The following HTR1F variants were observed in gnomAD, a reference collection of about 807,000 sequenced individuals.
The protein encoded by HTR1F is 5-hydroxytryptamine receptor 1F, also known as 5-hydroxytryptamine (serotonin) receptor 1F, G protein-coupled.
In HTR1F, 17 loss-of-function variants were observed where a neutral mutation model predicts 24.0. The observed-to-expected ratio is 0.71, with a 90% CI of 0.48 to 1.06. The LOEUF (loss-of-function observed/expected upper bound fraction) is 1.06. Ranked by LOEUF, HTR1F falls within the 50% of genes least tolerant of loss-of-function variation. The probability of loss-of-function intolerance (pLI) is 0.00; values close to 1 mark genes in which losing one functional copy is unlikely to be tolerated. For synonymous variants in HTR1F, 186 were observed against 156.8 expected (o/e 1.19, Z -1.39); for missense variants, 391 against 427.8 (o/e 0.91, Z 0.76).
At chr3:87,852,278 C>T (rs550994810) in intron 2 of HTR1F, among the ~76,000 whole-genome samples, 1 of 151,678 alleles carries the variant, frequency 6.6e-6, no homozygotes, top group African/African-American at 2.4e-5. Context: ...ATCTTCATTA[C>T]AAATTTTGTA....
intron 2 of HTR1F, among the ~76,000 whole-genome samples, chr3:87,923,724 C>A (rs910096240): frequency 6.6e-6 from 1 of 151,888 alleles, no homozygotes; most frequent in African/African-American, 2.4e-5. Flanking sequence ...TAAATTTTAG[C>A]AAATGTTTTT....
intron 2 of HTR1F, among the ~76,000 whole-genome samples, chr3:87,912,514 C>T (rs1459072749): frequency 5.4e-5 from 8 of 148,144 alleles, no homozygotes; most frequent in African/African-American, 2.0e-4. Context: ...TTTACAGATT[C>T]AATGCTATTC....
intron 2 of HTR1F, among the ~76,000 whole-genome samples, chr3:87,961,296 T>A (rs1414800337): frequency 1.3e-5 from 2 of 152,088 alleles, no homozygotes; most frequent in Non-Finnish European, 2.9e-5. Context: ...AGAAAATTAA[T>A]TTGATATGCT....
intron 2 of HTR1F, among the ~76,000 whole-genome samples, chr3:87,845,969 A>C (rs1193823927): frequency 2.6e-5 from 4 of 151,970 alleles, no homozygotes; most frequent in African/African-American, 7.3e-5. Flanking sequence ...AGCACACAAC[A>C]GACAGGCAAT....
In HTR1F at chr3:87,814,587, AG is replaced by A. The variant is rs1173438941; in HGVS notation, c.-159-7420del. On this transcript the variant is annotated intron_variant, in intron 1 of 2. Coordinates refer to ENST00000319595, the MANE Select transcript of HTR1F (RefSeq NM_001322209.2). ...CTGCTCCTTTGAGTTCAATCTTTTTAGATTCCAAATATTAAGACTTCTATTA... is the reference window on the plus strand; with the variant it reads ...CTGCTCCTTTGAGTTCAATCTTTTTAATTCCAAATATTAAGACTTCTATTA... Among the ~76,000 whole-genome samples the A allele has an allele frequency of 4.6e-5, 7 of 152,184 alleles. No individual in the cohort carries two copies. In the East Asian group the frequency reaches 1.3e-3, roughly 29 times the overall value.
intron 2 of HTR1F, among the ~76,000 whole-genome samples, chr3:87,835,790 A>G (rs188696123): frequency 6.6e-5 from 10 of 152,296 alleles, no homozygotes; most frequent in Admixed American, 6.5e-4. Context: ...AACTTGAGCC[A>G]TTATTTAGAG....
intron 1 of HTR1F, among the ~76,000 whole-genome samples, chr3:87,814,377 A>G (rs1400155804): frequency 5.9e-5 from 9 of 152,196 alleles, no homozygotes. Flanking sequence ...CTCATATAAT[A>G]TTCATTTGTG....
chr3:87,837,860 C>T (rs1210317173), intron 2 of HTR1F, among the ~76,000 whole-genome samples: 4 of 152,016 alleles, frequency 2.6e-5, no homozygotes, highest in South Asian at 2.1e-4. Flanking sequence ...ATTATTGTTA[C>T]AGTATAATTA....
intron 1 of HTR1F, among the ~76,000 whole-genome samples, 139 bp downstream of exon 1, chr3:87,792,981 C>A (rs1703841078): frequency 6.6e-6 from 1 of 152,224 alleles, no homozygotes; most frequent in African/African-American, 2.4e-5. Context: ...GGGAAGCCGG[C>A]GCCAAGTCCT....
intron 2 of HTR1F, among the ~76,000 whole-genome samples, chr3:87,902,502 A>G (rs1285565852): frequency 1.3e-5 from 2 of 152,150 alleles, no homozygotes; most frequent in African/African-American, 4.8e-5. Context: ...GGGTAGGCCA[A>G]AGTTTTTTAA....
chr3:87,864,760 G>A (rs887305089), intron 2 of HTR1F, among the ~76,000 whole-genome samples: 1 of 152,042 alleles, frequency 6.6e-6, no homozygotes, highest in Non-Finnish European at 1.5e-5. Context: ...GCTGGTTGCG[G>A]TGGTGAGCAC....
At chr3:87,954,249 A>G (rs375481155) in intron 2 of HTR1F, among the ~76,000 whole-genome samples, 5 of 151,844 alleles carry the variant, frequency 3.3e-5, no homozygotes, top group African/African-American at 1.2e-4. Flanking sequence ...TATATCCTAA[A>G]TCACTTGACT....
chr3:87,916,324 A>C (rs1270326174), intron 2 of HTR1F, among the ~76,000 whole-genome samples: 3 of 150,932 alleles, frequency 2.0e-5, no homozygotes, highest in Non-Finnish European at 3.0e-5. Context: ...AAAAAAAAAA[A>C]AAAACAAGGT....
chr3:87,821,804 C>G, intron 1 of HTR1F, among the ~76,000 whole-genome samples: 1 of 152,016 alleles, frequency 6.6e-6, no homozygotes, highest in Non-Finnish European at 1.5e-5. Flanking sequence ...ACTATTACAG[C>G]TGATCTTCAT....
chr3:87,954,024 G>C (rs1249551224), intron 2 of HTR1F, among the ~76,000 whole-genome samples: 1 of 151,736 alleles, frequency 6.6e-6, no homozygotes, highest in East Asian at 1.9e-4. Context: ...AGTTACCAGA[G>C]ACAGGGAATG....
At chr3:87,958,154 C>T (rs1704984222) in intron 2 of HTR1F, among the ~76,000 whole-genome samples, 1 of 151,480 alleles carries the variant, frequency 6.6e-6, no homozygotes. Context: ...TAGATGTATG[C>T]TGTTCAATTT....
intron 2 of HTR1F, among the ~76,000 whole-genome samples, chr3:87,963,571 T>A (rs778847793): frequency 2.0e-5 from 3 of 152,174 alleles, no homozygotes; most frequent in Non-Finnish European, 4.4e-5. Flanking sequence ...TCCTCCAACG[T>A]GGCAACCTCC....
chr3:87,980,535 A>G (rs1705518099), intron 2 of HTR1F, among the ~76,000 whole-genome samples: 7 of 152,164 alleles, frequency 4.6e-5, no homozygotes, highest in Admixed American at 4.6e-4. Flanking sequence ...ATGCCTGGCT[A>G]TGGAACAGGC....
intron 2 of HTR1F, among the ~76,000 whole-genome samples, chr3:87,953,218 T>C (rs1382639419): frequency 6.6e-6 from 1 of 151,570 alleles, no homozygotes; most frequent in African/African-American, 2.4e-5. Context: ...TATATTAAAC[T>C]AAAAAGTTTC....
Sources: allele counts gnomAD v4.1 joint callset (sites outside exome capture counted in the v4.1 genomes callset), GRCh38; gene constraint gnomAD v4.1.1; transcripts MANE v1.5; gene names NCBI Gene and HGNC (gene_info 2026-07-23, HGNC 2026-07-21).